ZBED3: variants seen among roughly 807,000 people sequenced by gnomAD.
The protein encoded by ZBED3 is zinc finger BED-type containing 3.
For missense variants in ZBED3, 388 were observed against 362.9 expected, an observed-to-expected ratio of 1.07 and a Z score of -0.56; for synonymous variants, 175 against 180.0, an observed-to-expected ratio of 0.97 and a Z score of 0.22.
chr5:77,072,991 T>A lies in ZBED3; in HGVS notation c.*4183A>T, dbSNP rs896135553. 6.6e-6 allele frequency: 1 copy of A among 152,224 alleles called. No homozygotes were observed. The highest frequency in any genetic ancestry group is 1.5e-5 in the Non-Finnish European group (1 of 68,042). The allele number at this position is 152,224 out of a possible 1,614,324, so 9.4% of individuals were successfully genotyped here. On this transcript the variant is annotated 3_prime_UTR_variant, in exon 3 of 3. Coordinates refer to ENST00000255198, the MANE Select transcript of ZBED3 (RefSeq NM_032367.4). ...CAAGGGCTGCATTTCTTTCTGGGAT[T>A]TTCTGGAAATGGGGATTATATCCAT...
intron 1 of ZBED3, 200 bp downstream of exon 1, chr5:77,086,910 CG>C (rs1464155005): frequency 6.6e-6 from 1 of 152,412 alleles, no homozygotes; most frequent in East Asian, 1.9e-4. Flanking sequence ...AGACGGTGAG[CG>C]GGGCCTTGCC....
rs532194681 is a variant in ZBED3 at position 77,080,961 on chromosome 5, C to T, written c.-152-2233G>A. ...AAAAACAAAAAACTCGAGTGCATTT[C>T]AGCTGCCCCTGCAATGTGGAGGGGG... On this transcript the variant is annotated intron_variant, in intron 1 of 2. Coordinates refer to ENST00000255198, the MANE Select transcript of ZBED3 (RefSeq NM_032367.4). Among the ~76,000 whole-genome samples the T allele has an allele frequency of 1.2e-4, 19 of 152,332 alleles. No homozygotes were observed. The South Asian group carries it at 2.1e-3, about 17-fold the overall frequency.
intron 1 of ZBED3, among the ~76,000 whole-genome samples, chr5:77,081,408 A>G (rs1743128106): frequency 6.7e-6 from 1 of 149,654 alleles, no homozygotes; most frequent in African/African-American, 2.5e-5. Flanking sequence ...GTGCAGTGGC[A>G]CAATCATGGC....
chr5:77,085,756 C>CT, intron 1 of ZBED3, among the ~76,000 whole-genome samples: 1 of 152,324 alleles, frequency 6.6e-6, no homozygotes, highest in East Asian at 1.9e-4. Flanking sequence ...ATATATTAAT[C>CT]TATTTATAAA....
rs1742908736 is a variant in ZBED3 at position 77,072,724 on chromosome 5, C to T, written c.*4450G>A. ...ATAGTATTTATCAGAAAGAGAATGTCTTGGCAGATCTCTGAGGCTTGTGTG... is the reference window on the plus strand; with the variant it reads ...ATAGTATTTATCAGAAAGAGAATGTTTTGGCAGATCTCTGAGGCTTGTGTG... On this transcript the variant is annotated 3_prime_UTR_variant, in exon 3 of 3. Coordinates refer to ENST00000255198, the MANE Select transcript of ZBED3 (RefSeq NM_032367.4). 1 of 152,138 alleles carries T rather than the reference C, an allele frequency of 6.6e-6. No individual in the cohort carries two copies. Among genetic ancestry groups the T allele is most frequent in the Non-Finnish European group, 1.5e-5 (1 of 68,032 alleles). 9.4% of individuals were successfully genotyped at this position (152,138 alleles called of 1,614,324 possible). A position where few individuals can be genotyped will look rare whatever the true frequency, so the allele number is the denominator to read the frequency against.
Position 77,077,597 on chromosome 5 carries a change from C to T in ZBED3, c.282G>A (p.Arg94=), listed in dbSNP as rs1421412623. 3 of 1,393,732 alleles carry T rather than the reference C, an allele frequency of 2.2e-6. No homozygotes were observed. The highest frequency in any genetic ancestry group is 2.8e-6 in the Non-Finnish European group (3 of 1,072,380). 86.3% of individuals were successfully genotyped at this position (1,393,732 alleles called of 1,614,324 possible). A position where few individuals can be genotyped will look rare whatever the true frequency, so the allele number is the denominator to read the frequency against. Reference sequence around the variant, plus strand: ...TCTCCAGCTCCCGCCGGTGCGCGCTCCTCAGGTGCCTCCACAACGCCGAGG... The same window carrying T: ...TCTCCAGCTCCCGCCGGTGCGCGCTTCTCAGGTGCCTCCACAACGCCGAGG... ...AGTSALWRHL[R]SAHRRELESS... is the part of the protein sequence containing the mutation. The change falls in exon 3 of 3, where the codon AGG becomes AGA. Residue 94 remains arginine (R), a synonymous_variant. Transcript: ENST00000255198.
In ZBED3 at chr5:77,073,557, C is replaced by T. The variant is rs1280306376; in HGVS notation, c.*3617G>A. 1 of 152,110 alleles carries T rather than the reference C, an allele frequency of 6.6e-6. No individual in the cohort carries two copies. Among genetic ancestry groups the T allele is most frequent in the East Asian group, 1.9e-4 (1 of 5,202 alleles). 9.4% of individuals were successfully genotyped at this position (152,110 alleles called of 1,614,324 possible). ...TTCTTCTTCCTTGACTGAGGCAATACATTTTGTGTTACTTGTATAATAAAA... is the reference window on the plus strand; with the variant it reads ...TTCTTCTTCCTTGACTGAGGCAATATATTTTGTGTTACTTGTATAATAAAA... On this transcript the variant is annotated 3_prime_UTR_variant, in exon 3 of 3. Coordinates refer to ENST00000255198, the MANE Select transcript of ZBED3 (RefSeq NM_032367.4).
chr5:77,079,912 A>C (rs1743096089), intron 1 of ZBED3, among the ~76,000 whole-genome samples: 1 of 152,236 alleles, frequency 6.6e-6, no homozygotes, highest in Non-Finnish European at 1.5e-5. Context: ...ATTTTTAATT[A>C]TCTAACTTTA....
Position 77,085,834 on chromosome 5 carries a change from C to G in ZBED3, c.-153+1277G>C, listed in dbSNP as rs559134923. On this transcript the variant is annotated intron_variant, in intron 1 of 2. Transcript: ENST00000255198. ...TGAAGGCTTAGCTGAAGTTAAAAGACAAGTAAAAATGCCTCCAAACTGTAA... is the reference window on the plus strand; with the variant it reads ...TGAAGGCTTAGCTGAAGTTAAAAGAGAAGTAAAAATGCCTCCAAACTGTAA... Among the ~76,000 whole-genome samples, 7 of 152,248 alleles carry G rather than the reference C, an allele frequency of 4.6e-5. No individual in the cohort carries two copies. The East Asian group carries it at 1.4e-3, about 29-fold the overall frequency.
intron 2 of ZBED3, 58 bp from the exon 3 acceptor site, chr5:77,077,953 C>T (rs1293690478): frequency 2.6e-6 from 3 of 1,167,264 alleles, no homozygotes; most frequent in Non-Finnish European, 3.2e-6. Context: ...AGCTCCTAGA[C>T]TACAGTTAGC....
Position 77,073,798 on chromosome 5 carries a change from T to G in ZBED3, c.*3376A>C, listed in dbSNP as rs1236478270. ...AAAGACATTGAATGGGTTAATGTACTGAGCAGCTACGGAATGCAAGGCACT... is the reference window on the plus strand; with the variant it reads ...AAAGACATTGAATGGGTTAATGTACGGAGCAGCTACGGAATGCAAGGCACT... On this transcript the variant is annotated 3_prime_UTR_variant, in exon 3 of 3. Transcript: ENST00000255198. 6.6e-6 allele frequency: 1 copy of G among 152,230 alleles called. No individual in the cohort carries two copies. The highest frequency in any genetic ancestry group is 2.4e-5 in the African/African-American group (1 of 41,464). 9.4% of individuals were successfully genotyped at this position (152,230 alleles called of 1,614,324 possible). A position where few individuals can be genotyped will look rare whatever the true frequency, so the allele number is the denominator to read the frequency against.
At chr5:77,079,672 T>C (rs1743091729) in intron 1 of ZBED3, among the ~76,000 whole-genome samples, 1 of 152,200 alleles carries the variant, frequency 6.6e-6, no homozygotes, top group South Asian at 2.1e-4. Flanking sequence ...CAGGCATTGA[T>C]TTAAATATGG....
At position 77,085,144 on chromosome 5, in the gene ZBED3, A is replaced by G. The variant is rs79134399; in HGVS notation, c.-153+1967T>C. Among the ~76,000 whole-genome samples, 588 of 152,326 alleles carry G rather than the reference A, an allele frequency of 3.9e-3. 4 individuals carry two copies. The highest frequency in any genetic ancestry group is 0.013 in the African/African-American group (541 of 41,552). ...ATTAATTATCTCTCCATTTGACTCA[A>G]TTTCTGAAGAAGTTCTATCCTTCTG... On this transcript the variant is annotated intron_variant, in intron 1 of 2. Transcript: ENST00000255198.
At chr5:77,083,092 G>A (rs1253608500) in intron 1 of ZBED3, among the ~76,000 whole-genome samples, 3 of 152,162 alleles carry the variant, frequency 2.0e-5, no homozygotes, top group Non-Finnish European at 4.4e-5. Context: ...AGCCGAGATT[G>A]CACGATTGTA....
chr5:77,083,767 A>G (rs552032691), intron 1 of ZBED3, among the ~76,000 whole-genome samples: 16 of 152,326 alleles, frequency 1.1e-4, no homozygotes, highest in African/African-American at 3.8e-4. Context: ...GAGCAAATAA[A>G]AAAGAGTAAC....
At chr5:77,081,595 C>A (rs371807266) in intron 1 of ZBED3, among the ~76,000 whole-genome samples, 1 of 152,094 alleles carries the variant, frequency 6.6e-6, no homozygotes, top group Non-Finnish European at 1.5e-5. Context: ...AGTGATACAC[C>A]TGCCTCGGCC....
At chr5:77,082,352 G>A (rs151200055) in intron 1 of ZBED3, among the ~76,000 whole-genome samples, 52 of 151,840 alleles carry the variant, frequency 3.4e-4, no homozygotes, top group African/African-American at 1.2e-3. Context: ...ACACAGTCTT[G>A]TATCAGGATG....
intron 1 of ZBED3, among the ~76,000 whole-genome samples, chr5:77,084,478 C>T (rs1320495883): frequency 6.6e-6 from 1 of 152,198 alleles, no homozygotes; most frequent in Non-Finnish European, 1.5e-5. Flanking sequence ...CCGCCTTCCG[C>T]CATGACTGTT....
rs1297693864 is a variant in ZBED3, at chr5:77,077,649, C to T, written c.230G>A (p.Gly77Asp). 1.4e-6 allele frequency: 2 copies of T among 1,409,338 alleles called. No homozygotes were observed. Among genetic ancestry groups the T allele is most frequent in the African/African-American group, 1.5e-5 (1 of 66,948 alleles). 87.3% of individuals were successfully genotyped at this position (1,409,338 alleles called of 1,614,324 possible). ...ATCRLCGEQV[G>D]RGPGFHAGTS... ...CCCCGCGTGGAAGCCCGGGCCGCGGCCCACCTGCTCCCCGCACAGACGGCA... is the reference window on the plus strand; with the variant it reads ...CCCCGCGTGGAAGCCCGGGCCGCGGTCCACCTGCTCCCCGCACAGACGGCA... Residue 77 changes from glycine to aspartate, a missense_variant, in exon 3 of 3, where the codon GGC becomes GAC. Transcript: ENST00000255198.
Sources: gnomAD v4.1 joint callset for allele counts (sites outside exome capture counted in the v4.1 genomes callset) on GRCh38, gnomAD v4.1.1 for gene constraint, MANE v1.5 for transcripts, NCBI Gene and HGNC (gene_info 2026-07-23, HGNC 2026-07-21) for gene names.